The following CAST variants were observed in gnomAD, a reference collection of about 807,000 sequenced individuals.
The protein encoded by CAST is MIR583 host.
In CAST, 76 loss-of-function variants were observed where a neutral mutation model predicts 119.6. The observed-to-expected ratio is 0.64, with a 90% CI of 0.53 to 0.77. The LOEUF (loss-of-function observed/expected upper bound fraction) is 0.77. Among genes scored for constraint, CAST ranks in the 30% least tolerant of loss-of-function variants. The pLI, the probability that CAST is intolerant of heterozygous loss-of-function variation, is 0.00. For missense variants in CAST, 953 were observed against 946.5 expected (o/e 1.01, Z -0.09); for synonymous variants, 319 against 331.6 (o/e 0.96, Z 0.41).
chr5:96,554,466 G>C (rs1283475687), intron 1 of CAST, among the ~76,000 whole-genome samples: 1 of 152,038 alleles, frequency 6.6e-6, no homozygotes, highest in Admixed American at 6.6e-5. Context: ...AAGAAAACCT[G>C]GGCAATAACA....
the CAST span, among the ~76,000 whole-genome samples, chr5:96,128,457 C>A: frequency 2.6e-5 from 4 of 152,172 alleles, no homozygotes; most frequent in African/African-American, 7.2e-5. Flanking sequence ...TCTCTAGAGA[C>A]CTTTTGGCTC....
At chr5:96,471,764 C>CTGTGTGTGTG in the CAST span, among the ~76,000 whole-genome samples, 6 of 70,602 alleles carry the variant, frequency 8.5e-5, no homozygotes, top group African/African-American at 2.9e-4. Flanking sequence ...CAAATGGAGT[C>CTGTGTGTGTG]TGTGTGTGTG....
the CAST span, among the ~76,000 whole-genome samples, chr5:96,016,970 G>T: frequency 2.0e-5 from 3 of 151,374 alleles, no homozygotes; most frequent in Non-Finnish European, 4.4e-5. Flanking sequence ...CCAACTAGCT[G>T]GGACTACAGG....
chr5:96,730,886 C>T (rs368539087), intron 9 of CAST, 26 bp downstream of exon 9: 49 of 1,535,208 alleles, frequency 3.2e-5, no homozygotes, highest in African/African-American at 8.1e-5. Context: ...CAGACGGAAA[C>T]GTGGGCCTCT....
chr5:96,205,607 G>C, the CAST span, among the ~76,000 whole-genome samples: 2 of 151,988 alleles, frequency 1.3e-5, no homozygotes, highest in Admixed American at 1.3e-4. Context: ...TAGGAAAATG[G>C]TCTCCTGCTC....
chr5:96,419,386 A>ATATATGTTATATAATACTTAT, the CAST span, among the ~76,000 whole-genome samples: 3 of 56,496 alleles, frequency 5.3e-5, no homozygotes, highest in Non-Finnish European at 6.6e-5. Context: ...AATACTTATT[A>ATATATGTTATATAATACTTAT]TATATATATA....
chr5:96,739,391 G>GATT (rs1762252166), intron 11 of CAST, among the ~76,000 whole-genome samples: 1 of 152,126 alleles, frequency 6.6e-6, no homozygotes, highest in Non-Finnish European at 1.5e-5. Context: ...GGTTAAAATG[G>GATT]ATTATTCATG....
At chr5:96,729,127 C>T in intron 6 of CAST, 26 bp from the exon 7 acceptor site, 1 of 1,433,760 alleles carries the variant, frequency 7.0e-7, no homozygotes, top group Non-Finnish European at 9.7e-7. Flanking sequence ...CCAGTGTAAT[C>T]AAGTTTAATC....
At chr5:96,481,300 GTA>G in the CAST span, among the ~76,000 whole-genome samples, 1 of 152,074 alleles carries the variant, frequency 6.6e-6, no homozygotes, top group Admixed American at 6.6e-5. Flanking sequence ...CATGTCACAG[GTA>G]GCTCTTGAGA....
At chr5:96,620,794 G>GA (rs1348006347) in intron 1 of CAST, among the ~76,000 whole-genome samples, 1 of 152,124 alleles carries the variant, frequency 6.6e-6, no homozygotes, top group Non-Finnish European at 1.5e-5. Flanking sequence ...CTTTTGGGGG[G>GA]ATTACCTTGC....
At chr5:96,425,037 AAAGAAAGAAAG>A in the CAST span, among the ~76,000 whole-genome samples, 56 of 141,310 alleles carry the variant, frequency 4.0e-4, no homozygotes, top group South Asian at 1.8e-3. Context: ...AGAAAGAAAG[AAAGAAAGAAAG>A]AAAGAAAGAA....
At chr5:96,322,044 A>G in the CAST span, among the ~76,000 whole-genome samples, 1 of 152,264 alleles carries the variant, frequency 6.6e-6, no homozygotes, top group East Asian at 1.9e-4. Flanking sequence ...CAAACTGTCT[A>G]TTGCCAAAAT....
At chr5:96,242,136 G>T in the CAST span, among the ~76,000 whole-genome samples, 1 of 147,008 alleles carries the variant, frequency 6.8e-6, no homozygotes, top group African/African-American at 2.5e-5. Context: ...TGAAGTCCTT[G>T]CCCATGCCTA....
the CAST span, among the ~76,000 whole-genome samples, chr5:96,260,879 TA>T: frequency 6.6e-6 from 1 of 152,208 alleles, no homozygotes; most frequent in Non-Finnish European, 1.5e-5. Context: ...AGTCAGTGTC[TA>T]AAAGCTGTGA....
At chr5:96,274,295 G>A in the CAST span, among the ~76,000 whole-genome samples, 6 of 151,682 alleles carry the variant, frequency 4.0e-5, no homozygotes, top group Non-Finnish European at 5.9e-5. Context: ...GTAGATACGG[G>A]GTTTCACTGT....
At chr5:96,423,889 T>C in the CAST span, among the ~76,000 whole-genome samples, 1 of 152,222 alleles carries the variant, frequency 6.6e-6, no homozygotes, top group Non-Finnish European at 1.5e-5. Flanking sequence ...TAGTCATTCA[T>C]GAATGTTTTA....
chr5:96,606,305 T>C (rs1291471784), intron 1 of CAST, among the ~76,000 whole-genome samples: 2 of 152,238 alleles, frequency 1.3e-5, no homozygotes, highest in Non-Finnish European at 2.9e-5. Context: ...AACCGTACCT[T>C]ACCACCTACT....
At chr5:96,187,689 T>C in the CAST span, among the ~76,000 whole-genome samples, 1 of 152,238 alleles carries the variant, frequency 6.6e-6, no homozygotes, top group Non-Finnish European at 1.5e-5. Flanking sequence ...TTGTTTATCT[T>C]TGTATTTCCC....
chr5:96,289,984 A>G, the CAST span, among the ~76,000 whole-genome samples: 1 of 152,044 alleles, frequency 6.6e-6, no homozygotes, highest in Non-Finnish European at 1.5e-5. Context: ...CAATGGATTG[A>G]GTCATCCAAT....
Sources: gnomAD v4.1 joint callset for allele counts (sites outside exome capture counted in the v4.1 genomes callset) on GRCh38, gnomAD v4.1.1 for gene constraint, MANE v1.5 for transcripts, NCBI Gene and HGNC (gene_info 2026-07-23, HGNC 2026-07-21) for gene names.